Variants in ANKRD11 observed in about 807,000 individuals in gnomAD.
ANKRD11 encodes ankyrin repeat domain-containing protein 11.
Under a neutral mutation model 195.7 loss-of-function variants are expected in ANKRD11, and 17 were observed. The observed-to-expected ratio is 0.09, with a 90% CI of 0.06 to 0.13. The LOEUF (loss-of-function observed/expected upper bound fraction) is 0.13. Ranked by LOEUF, ANKRD11 falls within the 10% of genes least tolerant of loss-of-function variation. The pLI, the probability that ANKRD11 is intolerant of heterozygous loss-of-function variation, is 1.00. For synonymous variants in ANKRD11, 1,953 were observed against 1,528.1 expected, an observed-to-expected ratio of 1.28 and a Z score of -6.49; for missense variants, 3,735 against 3,566.1, an observed-to-expected ratio of 1.05 and a Z score of -1.21.
rs560722812 is a variant in ANKRD11, at chr16:89,290,127, G to A, written c.601+498C>T. On this transcript the variant is annotated intron_variant, in intron 6 of 12. Transcript: ENST00000301030. ...CTCAGCAACAGGGAACCCCACTGGAGTGAGTGTGGCTGTGAACACCCCGAG... is the reference window on the plus strand; with the variant it reads ...CTCAGCAACAGGGAACCCCACTGGAATGAGTGTGGCTGTGAACACCCCGAG... 5.2e-5 allele frequency among the ~76,000 whole-genome samples: 8 copies of A among 152,388 alleles called. No homozygotes were observed. The East Asian group carries it at 1.3e-3, about 26-fold the overall frequency.
Position 89,282,201 on chromosome 16 carries a change from A to C in ANKRD11, c.4341T>G (p.Pro1447=). 6.2e-7 allele frequency: 1 copy of C among 1,613,742 alleles called. No homozygotes were observed. Among genetic ancestry groups the C allele is most frequent in the Non-Finnish European group, 8.5e-7 (1 of 1,179,930 alleles). Residue 1447 remains proline (P), a synonymous_variant, in exon 9 of 13, where the codon CCT becomes CCG. Coordinates refer to ENST00000301030, the MANE Select transcript of ANKRD11 (RefSeq NM_013275.6). Reference sequence around the variant, plus strand: ...GGATGTTGATGGCACTAGATCCATAAGGCTTTAGTTCCTTTTCTATTTTCT... The same window carrying C: ...GGATGTTGATGGCACTAGATCCATACGGCTTTAGTTCCTTTTCTATTTTCT... ...PSKKIEKELK[P]YGSSAINILK...
chr16:89,327,054 A>AAATGCAGAGGTGGGG lies in ANKRD11; in HGVS notation c.-59-9991_-59-9977dup, dbSNP rs1567652811. ...CAGAGGTGGGGAATGCAGAGGTGGG[A>AAATGCAGAGGTGGGG]AATGCAGAGGTGGGGAATGCAGAGG... On this transcript the variant is annotated intron_variant, in intron 2 of 12. Coordinates refer to ENST00000301030, the MANE Select transcript of ANKRD11 (RefSeq NM_013275.6). Among the ~76,000 whole-genome samples, 187 of 38,764 alleles carry AAATGCAGAGGTGGGG rather than the reference A, an allele frequency of 4.8e-3. 7 individuals are homozygous for AAATGCAGAGGTGGGG. The South Asian group carries it at 0.11, about 22-fold the overall frequency. The allele number at this position is 38,764 out of a possible 152,430, so 25.4% of individuals were successfully genotyped here.
chr16:89,460,969 A>AC (rs34732329), intron 1 of ANKRD11, among the ~76,000 whole-genome samples: 1,246 of 58,962 alleles, frequency 0.021, 23 homozygotes, highest in Middle Eastern at 0.081. Flanking sequence ...ATATCGTATG[A>AC]CCCCCCCCCC....
At chr16:89,435,021 T>C (rs568340423) in intron 1 of ANKRD11, among the ~76,000 whole-genome samples, 2 of 152,112 alleles carry the variant, frequency 1.3e-5, no homozygotes, top group Non-Finnish European at 2.9e-5. Flanking sequence ...CAGCTCTTCA[T>C]GAGAGGTGAA....
In ANKRD11 at chr16:89,268,505, G is replaced by C; in HGVS notation, c.7965C>G (p.Asn2655Lys). 1.4e-6 allele frequency: 2 copies of C among 1,403,934 alleles called. No individual in the cohort carries two copies. The highest frequency in any genetic ancestry group is 2.0e-6 in the Non-Finnish European group (2 of 1,020,432). The allele number at this position is 1,403,934 out of a possible 1,614,324, so 87.0% of individuals were successfully genotyped here. A position where few individuals can be genotyped will look rare whatever the true frequency, so the allele number is the denominator to read the frequency against. ...PSFYVPMVDV[N>K]DDFVLLPA ...ATGCCGGCAACAATACAAAGTCGTC[G>C]TTGACGTCGACCATGGGCACGTAGA... is the stretch of plus-strand genomic sequence containing the variant. The change falls in exon 13 of 13, where the codon AAC becomes AAG. Residue 2655 changes from asparagine (N) to lysine (K), a missense_variant. By Grantham distance (94) the Asn-to-Lys change is moderately conservative (BLOSUM62 0). Coordinates refer to ENST00000301030, the MANE Select transcript of ANKRD11 (RefSeq NM_013275.6).
chr16:89,377,560 G>C (rs1044853745), intron 2 of ANKRD11, among the ~76,000 whole-genome samples: 1 of 152,140 alleles, frequency 6.6e-6, no homozygotes, highest in African/African-American at 2.4e-5. Context: ...AGAGAAATTA[G>C]AAGACAACCT....
intron 1 of ANKRD11, among the ~76,000 whole-genome samples, chr16:89,425,400 A>G (rs2042676413): frequency 6.6e-6 from 1 of 152,142 alleles, no homozygotes; most frequent in Admixed American, 6.5e-5. Flanking sequence ...AAATCTTACA[A>G]TGTAACTTTA....
intron 1 of ANKRD11, among the ~76,000 whole-genome samples, chr16:89,481,742 T>A (rs888575977): frequency 3.3e-5 from 5 of 152,132 alleles, no homozygotes; most frequent in Non-Finnish European, 5.9e-5. Flanking sequence ...TCTGCTGTCA[T>A]CTTCCATCTT....
At chr16:89,469,913 T>C (rs2152347844) in intron 1 of ANKRD11, among the ~76,000 whole-genome samples, 1 of 14,182 alleles carries the variant, frequency 7.1e-5, no homozygotes, top group East Asian at 2.5e-3. Flanking sequence ...ACTTTTTCCT[T>C]TTCTTTTGTT....
chr16:89,281,929 G>A lies in ANKRD11; in HGVS notation c.4613C>T (p.Ala1538Val). The change falls in exon 9 of 13, where the codon GCA becomes GTA. Residue 1538 changes from alanine to valine, a missense_variant. Ala to Val is a moderately conservative substitution (Grantham distance 64). Transcript: ENST00000301030. The surrounding 1 kb of genome is among the most constrained non-coding windows in gnomAD (Gnocchi z 5.5). ...AKLKEKFKDG[A>V]EKEKGDPVKM... ...CACTGGGTCGCCCTTTTCTTTCTCT[G>A]CACCGTCCTTGAATTTCTCCTTCAG... 6.2e-7 allele frequency: 1 copy of A among 1,613,024 alleles called. No homozygotes were observed. Among genetic ancestry groups the A allele is most frequent in the Non-Finnish European group, 8.5e-7 (1 of 1,180,026 alleles).
At chr16:89,308,796 G>A (rs564198287) in intron 3 of ANKRD11, among the ~76,000 whole-genome samples, 18 of 152,352 alleles carry the variant, frequency 1.2e-4, no homozygotes, top group Admixed American at 5.2e-4. Context: ...GGGGGTGCGC[G>A]CCGTGAGAAA....
At chr16:89,325,907 C>T (rs3114898) in intron 2 of ANKRD11, among the ~76,000 whole-genome samples, 73,541 of 151,954 alleles carry the variant, frequency 0.48, 18,261 homozygotes, top group Middle Eastern at 0.56. Flanking sequence ...CCCTCAAGGG[C>T]ATGAGCATGA....
rs552505049 is a variant in ANKRD11 at position 89,291,849 on chromosome 16, G to A, written c.227-666C>T. ...CGGCTGTTTCCACCTCAGCCTCCTC[G>A]TAACAAGCACACCCTGCACTCATCT... is the stretch of plus-strand genomic sequence containing the variant. On this transcript the variant is annotated intron_variant, in intron 4 of 12. Coordinates refer to ENST00000301030, the MANE Select transcript of ANKRD11 (RefSeq NM_013275.6). The surrounding 1 kb of genome is among the most constrained non-coding windows in gnomAD (Gnocchi z 5.3). The A allele has an allele frequency of 3.1e-4, 333 of 1,073,468 alleles. No individual in the cohort carries two copies. The highest frequency in any genetic ancestry group is 4.0e-4 in the Non-Finnish European group (316 of 792,718). 66.5% of individuals were successfully genotyped at this position (1,073,468 alleles called of 1,614,324 possible). A position where few individuals can be genotyped will look rare whatever the true frequency, so the allele number is the denominator to read the frequency against.
intron 9 of ANKRD11, chr16:89,277,363 G>C (rs2033744628): frequency 6.6e-6 from 1 of 152,252 alleles, no homozygotes; most frequent in Non-Finnish European, 1.5e-5. Context: ...GGCCTGCCTG[G>C]GTCTAGGTCT....
chr16:89,304,267 C>T lies in ANKRD11; in HGVS notation c.226+939G>A, dbSNP rs544940545. Among the ~76,000 whole-genome samples, 10 of 152,288 alleles carry T rather than the reference C, an allele frequency of 6.6e-5. No homozygotes were observed. In the East Asian group the frequency reaches 1.9e-3, roughly 29 times the overall value. ...GTGCACATGAACACACATGGGCTTG[C>T]ACACGGGCACACAGGCATGCACACA... On this transcript the variant is annotated intron_variant, in intron 4 of 12. Transcript: ENST00000301030.
At position 89,295,101 on chromosome 16, in the gene ANKRD11, A is replaced by T. The variant is rs150131431; in HGVS notation, c.227-3918T>A. ...AAGTCTAGGGACTAAGTGCGGCTAC[A>T]GCACCACAGACAGATGTGGCCCTGG... On this transcript the variant is annotated intron_variant, in intron 4 of 12. Transcript: ENST00000301030. Among the ~76,000 whole-genome samples the T allele has an allele frequency of 3.3e-5, 5 of 152,372 alleles. No homozygotes were observed. The East Asian group carries it at 9.6e-4, about 29-fold the overall frequency.
intron 2 of ANKRD11, among the ~76,000 whole-genome samples, chr16:89,352,230 G>A (rs2039253649): frequency 6.6e-6 from 1 of 152,104 alleles, no homozygotes; most frequent in Admixed American, 6.6e-5. Context: ...TTTCCCTAGG[G>A]ATGGAATGCT....
chr16:89,315,413 G>T (rs1004958000), intron 3 of ANKRD11, among the ~76,000 whole-genome samples: 1 of 151,856 alleles, frequency 6.6e-6, no homozygotes, highest in Non-Finnish European at 1.5e-5. Flanking sequence ...CTGCCCTTGC[G>T]CCTTTCTGCC....
At chr16:89,479,896 T>C (rs1048054061) in intron 1 of ANKRD11, among the ~76,000 whole-genome samples, 13 of 149,232 alleles carry the variant, frequency 8.7e-5, no homozygotes, top group African/African-American at 2.5e-4. Context: ...TGAGCCGAGA[T>C]TGTGCCACTG....
Sources: gnomAD v4.1 joint callset for allele counts (sites outside exome capture counted in the v4.1 genomes callset) on GRCh38, gnomAD v4.1.1 for gene constraint, Gnocchi (gnomAD v3.1) non-coding constraint, MANE v1.5 for transcripts, NCBI Gene and HGNC (gene_info 2026-07-23, HGNC 2026-07-21) for gene names.